KCNQ5: variants seen among roughly 807,000 people sequenced by gnomAD.
The protein encoded by KCNQ5 is potassium voltage-gated channel subfamily KQT member 5.
In KCNQ5, 30 loss-of-function variants were observed where a neutral mutation model predicts 98.2. That is an observed-to-expected ratio of 0.31 (90% confidence interval 0.23 to 0.41). The LOEUF is 0.41. Among genes scored for constraint, KCNQ5 ranks in the 10% least tolerant of loss-of-function variants. The pLI is 1.00. For missense variants in KCNQ5, 835 were observed against 1,182.5 expected, an observed-to-expected ratio of 0.71 and a Z score of 4.31; for synonymous variants, 458 against 449.4, an observed-to-expected ratio of 1.02 and a Z score of -0.24.
intron 1 of KCNQ5, among the ~76,000 whole-genome samples, chr6:72,699,776 G>T (rs1475913446): frequency 6.6e-6 from 1 of 152,146 alleles, no homozygotes; most frequent in Admixed American, 6.5e-5. Context: ...ATTTGAAAAT[G>T]TAGCATAATA....
At chr6:72,875,976 C>G (rs1402629034) in intron 1 of KCNQ5, among the ~76,000 whole-genome samples, 2 of 151,656 alleles carry the variant, frequency 1.3e-5, no homozygotes, top group Non-Finnish European at 2.9e-5. Context: ...GTTTGTGTTA[C>G]TTTTCTTTTT....
intron 1 of KCNQ5, among the ~76,000 whole-genome samples, chr6:72,713,072 C>T (rs368785814): frequency 2.6e-5 from 4 of 152,082 alleles, no homozygotes; most frequent in African/African-American, 7.2e-5. Flanking sequence ...TGCTTAAAGT[C>T]GCACGGCAGG....
In KCNQ5 at chr6:72,909,007, A is replaced by G. The variant is rs564199823; in HGVS notation, c.399-94901A>G. Among the ~76,000 whole-genome samples the G allele has an allele frequency of 2.0e-5, 3 of 152,314 alleles. No individual in the cohort carries two copies. In the East Asian group the frequency reaches 5.8e-4, roughly 29 times the overall value. ...ACTCTCTACAATTAAAAATATATGC[A>G]TATAATTTAATATTCTTATGAAATC... On this transcript the variant is annotated intron_variant, in intron 1 of 13. Transcript: ENST00000370398.
At chr6:72,865,611 C>T (rs916907897) in intron 1 of KCNQ5, among the ~76,000 whole-genome samples, 5 of 152,158 alleles carry the variant, frequency 3.3e-5, no homozygotes, top group African/African-American at 9.7e-5. Context: ...ACCACTGAGA[C>T]GCCAGCTGGA....
intron 1 of KCNQ5, among the ~76,000 whole-genome samples, chr6:72,865,240 C>G (rs141011300): frequency 6.6e-6 from 1 of 152,316 alleles, no homozygotes; most frequent in South Asian, 2.1e-4. Context: ...CACACTCTTG[C>G]ATTATCACTC....
intron 1 of KCNQ5, among the ~76,000 whole-genome samples, chr6:72,827,037 T>C (rs1776030620): frequency 6.6e-6 from 1 of 152,142 alleles, no homozygotes; most frequent in South Asian, 2.1e-4. Context: ...CCATCTATGT[T>C]GCTATGAATG....
At chr6:72,635,670 G>GTTTTTTTTTTTTTTTTTTTTT (rs528990234) in intron 1 of KCNQ5, among the ~76,000 whole-genome samples, 185 of 65,018 alleles carry the variant, frequency 2.8e-3, no homozygotes, top group Admixed American at 4.0e-3. Context: ...ATTGCTCCTA[G>GTTTTTTTTTTTTTTTTTTTTT]TTTTTTTTTT....
chr6:72,928,734 A>T (rs534218986), intron 1 of KCNQ5, among the ~76,000 whole-genome samples: 1 of 152,110 alleles, frequency 6.6e-6, no homozygotes, highest in African/African-American at 2.4e-5. Flanking sequence ...GTCTCTATGT[A>T]TATCTATGAG....
At chr6:73,174,764 A>G (rs1005314975) in intron 11 of KCNQ5, among the ~76,000 whole-genome samples, 2 of 152,164 alleles carry the variant, frequency 1.3e-5, no homozygotes, top group African/African-American at 4.8e-5. Flanking sequence ...GGGGATGGTA[A>G]TGGTATTGAC....
chr6:72,681,885 C>A (rs1003186827), intron 1 of KCNQ5, among the ~76,000 whole-genome samples: 6 of 152,156 alleles, frequency 3.9e-5, no homozygotes, highest in African/African-American at 1.4e-4. Flanking sequence ...GATTCTCTAG[C>A]CCTATCCTAG....
chr6:72,995,023 C>T (rs570678466), intron 1 of KCNQ5, among the ~76,000 whole-genome samples: 1 of 152,134 alleles, frequency 6.6e-6, no homozygotes, highest in Non-Finnish European at 1.5e-5. Context: ...TTGATAAGCT[C>T]AATAACAATT....
At chr6:72,831,892 T>A (rs1776290801) in intron 1 of KCNQ5, among the ~76,000 whole-genome samples, 2 of 151,616 alleles carry the variant, frequency 1.3e-5, no homozygotes, top group Admixed American at 1.3e-4. Flanking sequence ...ATGTAAAGGC[T>A]GGGAAACATG....
At chr6:73,010,495 T>A (rs1039811157) in intron 2 of KCNQ5, among the ~76,000 whole-genome samples, 1 of 151,940 alleles carries the variant, frequency 6.6e-6, no homozygotes, top group Non-Finnish European at 1.5e-5. Context: ...TTCAACAAAG[T>A]ACTAGACGGC....
At chr6:72,652,221 A>C (rs567867258) in intron 1 of KCNQ5, among the ~76,000 whole-genome samples, 3 of 150,774 alleles carry the variant, frequency 2.0e-5, no homozygotes, top group Non-Finnish European at 4.4e-5. Flanking sequence ...GGCAACTTTA[A>C]AAGTGCTTGA....
chr6:72,834,892 A>G (rs919713934), intron 1 of KCNQ5, among the ~76,000 whole-genome samples: 7 of 151,846 alleles, frequency 4.6e-5, no homozygotes, highest in African/African-American at 1.7e-4. Context: ...ACTTTATTTC[A>G]TTTTCCAGCT....
chr6:73,052,570 T>C (rs1335157647), intron 3 of KCNQ5, among the ~76,000 whole-genome samples: 1 of 152,168 alleles, frequency 6.6e-6, no homozygotes, highest in East Asian at 1.9e-4. Flanking sequence ...CCAGCAGAGA[T>C]TGAGGACCTA....
chr6:72,631,505 A>AAAATAAAAGT (rs1320077053), intron 1 of KCNQ5, among the ~76,000 whole-genome samples: 118 of 152,248 alleles, frequency 7.8e-4, no homozygotes, highest in Non-Finnish European at 1.6e-3. Flanking sequence ...GTTTCAAAAA[A>AAAATAAAAGT]AAATAAAAGT....
intron 1 of KCNQ5, among the ~76,000 whole-genome samples, chr6:72,698,423 G>C (rs1488811880): frequency 6.6e-6 from 1 of 151,936 alleles, no homozygotes; most frequent in African/African-American, 2.4e-5. Context: ...GGCTGGTCTC[G>C]AACTCCCAAC....
chr6:72,703,302 T>C (rs1367129754), intron 1 of KCNQ5, among the ~76,000 whole-genome samples: 1 of 152,216 alleles, frequency 6.6e-6, no homozygotes, highest in African/African-American at 2.4e-5. Flanking sequence ...TTACTCTAAC[T>C]TCTCCTTTTA....
Sources: gnomAD v4.1 joint callset for allele counts (sites outside exome capture counted in the v4.1 genomes callset) on GRCh38, gnomAD v4.1.1 for gene constraint, MANE v1.5 for transcripts, NCBI Gene and HGNC (gene_info 2026-07-23, HGNC 2026-07-21) for gene names.